SOX6: variants seen among roughly 807,000 people sequenced by gnomAD.
The protein encoded by SOX6 is transcription factor SOX-6.
Under a neutral mutation model 97.8 loss-of-function variants are expected in SOX6, and 11 were observed. The ratio of observed to expected loss-of-function variants is 0.11; its 90% CI spans 0.07 to 0.19. SOX6 has a LOEUF of 0.19. Among genes scored for constraint, SOX6 ranks in the 10% least tolerant of loss-of-function variants. SOX6 has a pLI of 1.00. For missense variants in SOX6, 810 were observed against 1,039.5 expected, an observed-to-expected ratio of 0.78 and a Z score of 3.04; for synonymous variants, 360 against 371.4, an observed-to-expected ratio of 0.97 and a Z score of 0.35.
intron 4 of SOX6, among the ~76,000 whole-genome samples, chr11:16,503,251 C>T (rs11529589): frequency 0.7 from 104,036 of 149,324 alleles, 36,412 homozygotes; most frequent in East Asian, 0.95. Flanking sequence ...ACATCTACCA[C>T]CATGAAAAAA....
rs560724627 is a variant in SOX6, at chr11:16,427,009, AT to A, written c.-5+49305del. On this transcript the variant is annotated intron_variant, in intron 1 of 15. Coordinates refer to the SOX6 transcript ENST00000396356. ...TAAAGACTTAAAGGTAAAACCCAAA[AT>A]TATAGAAATCCTGGAAGACAACCTA... 3.3e-5 allele frequency among the ~76,000 whole-genome samples: 5 copies of A among 152,156 alleles called. No homozygotes were observed. The South Asian group carries it at 1.0e-3, about 32-fold the overall frequency.
chr11:16,325,159 A>T (rs1222051081), intron 2 of SOX6, among the ~76,000 whole-genome samples: 1 of 152,174 alleles, frequency 6.6e-6, no homozygotes, highest in Non-Finnish European at 1.5e-5. Context: ...AATACTTTTA[A>T]TCAGAAAATA....
At chr11:16,591,109 A>G (rs920764211) in intron 4 of SOX6, among the ~76,000 whole-genome samples, 2 of 152,100 alleles carry the variant, frequency 1.3e-5, no homozygotes, top group Non-Finnish European at 2.9e-5. Context: ...AGGTCTGTAT[A>G]CCATGGTAAA....
intron 13 of SOX6, among the ~76,000 whole-genome samples, chr11:16,002,481 G>A (rs1590121520): frequency 6.6e-6 from 1 of 152,204 alleles, no homozygotes; most frequent in East Asian, 1.9e-4. Context: ...GAATCCCAGG[G>A]CAGCTGGGAT....
intron 3 of SOX6, among the ~76,000 whole-genome samples, chr11:16,646,741 GT>G (rs1380470540): frequency 6.6e-6 from 1 of 152,144 alleles, no homozygotes; most frequent in Admixed American, 6.5e-5. Flanking sequence ...CCATTCCTCA[GT>G]TACTTCACTT....
At chr11:16,632,738 T>G (rs1848728653) in intron 3 of SOX6, among the ~76,000 whole-genome samples, 1 of 152,180 alleles carries the variant, frequency 6.6e-6, no homozygotes, top group South Asian at 2.1e-4. Flanking sequence ...AGGAATGGGG[T>G]GCAGCCTAAA....
At chr11:16,063,505 T>C (rs1484808655) in intron 9 of SOX6, among the ~76,000 whole-genome samples, 8 of 14,214 alleles carry the variant, frequency 5.6e-4, no homozygotes, top group Non-Finnish European at 9.5e-4. Flanking sequence ...TTTATATATA[T>C]ATATATATAT....
chr11:16,599,799 A>G (rs1283476594), intron 4 of SOX6, among the ~76,000 whole-genome samples: 1 of 152,222 alleles, frequency 6.6e-6, no homozygotes, highest in Non-Finnish European at 1.5e-5. Flanking sequence ...ACCTCAGAAA[A>G]TAACTCACAT....
At chr11:16,407,499 C>G (rs971217622) in intron 1 of SOX6, among the ~76,000 whole-genome samples, 2 of 152,122 alleles carry the variant, frequency 1.3e-5, no homozygotes, top group Non-Finnish European at 2.9e-5. Context: ...GTTAATCTAA[C>G]AGAGTCCCTA....
At chr11:16,669,115 T>C (rs1185688135) in intron 3 of SOX6, among the ~76,000 whole-genome samples, 1 of 152,202 alleles carries the variant, frequency 6.6e-6, no homozygotes, top group Non-Finnish European at 1.5e-5. Context: ...TGGATCATTC[T>C]CAAGGATAGA....
intron 4 of SOX6, among the ~76,000 whole-genome samples, chr11:16,563,927 T>G (rs778719002): frequency 6.6e-6 from 1 of 152,112 alleles, no homozygotes; most frequent in Non-Finnish European, 1.5e-5. Context: ...TCAGAAACCA[T>G]AGAAGCCAGA....
intron 1 of SOX6, among the ~76,000 whole-genome samples, chr11:16,441,837 C>T (rs1171650416): frequency 3.3e-5 from 5 of 152,146 alleles, no homozygotes; most frequent in African/African-American, 9.7e-5. Context: ...GCTCCAGAAA[C>T]ACGCCGGTAT....
At position 16,205,028 on chromosome 11, in the gene SOX6, C is replaced by T. The variant is rs78530847; in HGVS notation, c.536-18073G>A. ...ATAGTTGATTTTCGTTATCATTTTC[C>T]TCAGTTCACTTAAGAAGCAACATTG... is the stretch of plus-strand genomic sequence containing the variant. On this transcript the variant is annotated intron_variant, in intron 4 of 15. Coordinates refer to ENST00000683767, the MANE Select transcript of SOX6 (RefSeq NM_001367873.1). Among the ~76,000 whole-genome samples, 230 of 152,058 alleles carry T rather than the reference C, an allele frequency of 1.5e-3. 1 individual carries two copies. Among genetic ancestry groups the T allele is most frequent in the African/African-American group, 5.2e-3 (215 of 41,490 alleles).
intron 12 of SOX6, among the ~76,000 whole-genome samples, chr11:16,024,645 T>C (rs1361936383): frequency 6.6e-6 from 1 of 151,950 alleles, no homozygotes; most frequent in African/African-American, 2.4e-5. Flanking sequence ...GCTGTTGAGA[T>C]AAACTCTAGG....
At chr11:16,206,522 T>C (rs1408627536) in intron 4 of SOX6, among the ~76,000 whole-genome samples, 1 of 152,190 alleles carries the variant, frequency 6.6e-6, no homozygotes, top group Non-Finnish European at 1.5e-5. Context: ...AAATCTTTGC[T>C]ATGCCACTTC....
intron 1 of SOX6, among the ~76,000 whole-genome samples, chr11:16,436,182 T>C (rs1859372788): frequency 6.6e-6 from 1 of 152,222 alleles, no homozygotes; most frequent in African/African-American, 2.4e-5. Context: ...TTTCTGCACA[T>C]GTATCCCGGA....
intron 6 of SOX6, among the ~76,000 whole-genome samples, chr11:16,169,969 A>G (rs1213400523): frequency 6.6e-6 from 1 of 151,668 alleles, no homozygotes; most frequent in Non-Finnish European, 1.5e-5. Context: ...AACCTTGCTT[A>G]GGGAAAAAAT....
intron 10 of SOX6, among the ~76,000 whole-genome samples, chr11:16,052,928 T>C (rs966849054): frequency 5.3e-5 from 8 of 152,158 alleles, no homozygotes; most frequent in African/African-American, 1.9e-4. Flanking sequence ...CTGTTTTGTT[T>C]GCTACATTCT....
chr11:16,165,524 A>G (rs950761717), intron 6 of SOX6, among the ~76,000 whole-genome samples: 3 of 152,200 alleles, frequency 2.0e-5, no homozygotes, highest in African/African-American at 7.2e-5. Flanking sequence ...ATCCCTTACT[A>G]TTCCTTTCTG....
Sources: allele counts gnomAD v4.1 joint callset (sites outside exome capture counted in the v4.1 genomes callset), GRCh38; gene constraint gnomAD v4.1.1; transcripts MANE v1.5; gene names NCBI Gene and HGNC (gene_info 2026-07-23, HGNC 2026-07-21).